The following GRM7 variants were observed in gnomAD, a reference collection of about 807,000 sequenced individuals.
GRM7 encodes the protein metabotropic glutamate receptor 7.
GRM7 carries 35 observed loss-of-function variants against 84.5 expected under a neutral mutation model. The observed-to-expected ratio is 0.41, with a 90% CI of 0.32 to 0.55. The LOEUF (loss-of-function observed/expected upper bound fraction) is 0.55. GRM7 is among the 20% of genes least tolerant of loss of function. The pLI is 0.19. For synonymous variants in GRM7, 487 were observed against 455.1 expected, an observed-to-expected ratio of 1.07 and a Z score of -0.89; for missense variants, 1,003 against 1,194.6, an observed-to-expected ratio of 0.84 and a Z score of 2.36.
At chr3:7,100,758 C>T (rs935800317) in intron 1 of GRM7, among the ~76,000 whole-genome samples, 2 of 151,714 alleles carry the variant, frequency 1.3e-5, no homozygotes, top group South Asian at 2.1e-4. Context: ...TTTCCATCTA[C>T]ACAAAAAACC....
chr3:7,596,979 G>A (rs916978351), intron 8 of GRM7, among the ~76,000 whole-genome samples: 7 of 152,156 alleles, frequency 4.6e-5, no homozygotes, highest in Admixed American at 6.5e-5. Context: ...TTACAGTGAT[G>A]TGCTCGTTGT....
intron 2 of GRM7, among the ~76,000 whole-genome samples, chr3:7,203,630 C>A (rs867114944): frequency 6.6e-6 from 1 of 152,014 alleles, no homozygotes; most frequent in Non-Finnish European, 1.5e-5. Flanking sequence ...ATTGCTGGAT[C>A]GTATGTTAGT....
intron 4 of GRM7, among the ~76,000 whole-genome samples, chr3:7,352,056 A>ACC (rs1160181382): frequency 2.1e-5 from 1 of 46,940 alleles, no homozygotes; most frequent in African/African-American, 1.0e-4. Flanking sequence ...ACACACACAC[A>ACC]CCACACACAC....
chr3:6,988,009 T>C (rs1461607291), intron 1 of GRM7, among the ~76,000 whole-genome samples: 2 of 149,560 alleles, frequency 1.3e-5, no homozygotes, highest in Non-Finnish European at 1.5e-5. Flanking sequence ...TTTTTTTTTT[T>C]TTTTTCAGAC....
intron 4 of GRM7, among the ~76,000 whole-genome samples, chr3:7,328,356 C>T (rs991342585): frequency 3.9e-5 from 6 of 152,084 alleles, no homozygotes; most frequent in Admixed American, 1.3e-4. Flanking sequence ...GATTTGTGTG[C>T]CCCCAAACCA....
rs397988598 is a variant in GRM7 at position 7,240,120 on chromosome 3, G to GTTTTTTTTTTT, written c.737-58550_737-58540dup. Among the ~76,000 whole-genome samples, 268 of 52,698 alleles carry GTTTTTTTTTTT rather than the reference G, an allele frequency of 5.1e-3. 41 individuals carry two copies. The highest frequency in any genetic ancestry group is 0.015 in the African/African-American group (212 of 14,250). The allele number at this position is 52,698 out of a possible 152,430, so 34.6% of individuals were successfully genotyped here. A position where few individuals can be genotyped will look rare whatever the true frequency, so the allele number is the denominator to read the frequency against. ...TACCAGTAATCTTTTAGCATGTGAG[G>GTTTTTTTTTTT]TTTTTTTTTTTTTTTTTTTTTTTTC... is the stretch of plus-strand genomic sequence containing the variant. On this transcript the variant is annotated intron_variant, in intron 2 of 9. Coordinates refer to ENST00000357716, the MANE Select transcript of GRM7 (RefSeq NM_000844.4).
At chr3:6,914,482 A>C (rs1490138726) in intron 1 of GRM7, among the ~76,000 whole-genome samples, 1 of 151,880 alleles carries the variant, frequency 6.6e-6, no homozygotes, top group Non-Finnish European at 1.5e-5. Context: ...GGCTCACTGC[A>C]ACCTCTGCCT....
intron 1 of GRM7, among the ~76,000 whole-genome samples, chr3:6,922,633 A>G (rs932943843): frequency 3.9e-5 from 6 of 152,218 alleles, no homozygotes; most frequent in African/African-American, 1.4e-4. Flanking sequence ...TAGAACCTAT[A>G]ACATACATAT....
At chr3:7,118,277 G>C (rs980704003) in intron 1 of GRM7, among the ~76,000 whole-genome samples, 1 of 151,758 alleles carries the variant, frequency 6.6e-6, no homozygotes, top group African/African-American at 2.4e-5. Context: ...TGTAGTCCCA[G>C]TTACTCCGGA....
At position 6,861,499 on chromosome 3, in the gene GRM7, G is replaced by A. The variant is rs751242328; in HGVS notation, c.111G>A (p.Met37Ile). Residue 37 changes from methionine (M) to isoleucine (I), a missense_variant, in exon 1 of 10, where the codon ATG becomes ATA. By Grantham distance (10) the Met-to-Ile change is conservative. Coordinates refer to ENST00000357716, the MANE Select transcript of GRM7 (RefSeq NM_000844.4). This position sits in a 1 kb window ranked among gnomAD's most constrained non-coding sequence, Gnocchi z 6.4. ...ALAAAARGQE[M>I]YAPHSIRIEG... Reference sequence around the variant, plus strand: ...CGGCGGCGGCGCGCGGCCAGGAGATGTACGCCCCGCACTCAATCCGGATCG... The same window carrying A: ...CGGCGGCGGCGCGCGGCCAGGAGATATACGCCCCGCACTCAATCCGGATCG... The A allele has an allele frequency of 3.8e-6, 6 of 1,579,486 alleles. No individual in the cohort carries two copies. The South Asian group carries it at 7.0e-5, about 18-fold the overall frequency.
At chr3:7,448,195 T>A (rs1697608043) in intron 5 of GRM7, among the ~76,000 whole-genome samples, 1 of 151,326 alleles carries the variant, frequency 6.6e-6, no homozygotes, top group Non-Finnish European at 1.5e-5. Context: ...TTGTGAATAA[T>A]GCCGCAATAA....
At chr3:7,533,173 C>A (rs1165493463) in intron 7 of GRM7, among the ~76,000 whole-genome samples, 1 of 152,126 alleles carries the variant, frequency 6.6e-6, no homozygotes, top group Non-Finnish European at 1.5e-5. Flanking sequence ...AACTCTCCAC[C>A]CCACATCAAA....
chr3:6,923,621 T>TC (rs1335708966), intron 1 of GRM7, among the ~76,000 whole-genome samples: 1 of 152,154 alleles, frequency 6.6e-6, no homozygotes, highest in African/African-American at 2.4e-5. Flanking sequence ...AGGGTTTTTT[T>TC]CCCCCTGCAC....
chr3:7,246,195 T>C (rs1697752358), intron 2 of GRM7, among the ~76,000 whole-genome samples: 1 of 152,100 alleles, frequency 6.6e-6, no homozygotes, highest in African/African-American at 2.4e-5. Flanking sequence ...GTTTTTACAA[T>C]CCTTTTCTAA....
intron 4 of GRM7, among the ~76,000 whole-genome samples, chr3:7,338,773 ACAAG>A (rs1359619201): frequency 1.3e-5 from 2 of 152,064 alleles, no homozygotes; most frequent in African/African-American, 4.8e-5. Context: ...TGTCTCCTAA[ACAAG>A]CGTATAAATT....
At position 7,446,610 on chromosome 3, in the gene GRM7, C is replaced by T. The variant is rs546258953; in HGVS notation, c.1175-5997C>T. ...TCGAGTAGCTGGGATTTCAGGCACA[C>T]GCCACAGCCCGGCTAATTTTTGTGT... is the stretch of plus-strand genomic sequence containing the variant. On this transcript the variant is annotated intron_variant, in intron 5 of 9. Transcript: ENST00000357716. Among the ~76,000 whole-genome samples, 133 of 151,938 alleles carry T rather than the reference C, an allele frequency of 8.8e-4. 2 individuals carry two copies. The highest frequency in any genetic ancestry group is 8.3e-3 in the Admixed American group (126 of 15,258).
At chr3:6,954,580 T>C (rs1692945217) in intron 1 of GRM7, among the ~76,000 whole-genome samples, 1 of 152,158 alleles carries the variant, frequency 6.6e-6, no homozygotes, top group Non-Finnish European at 1.5e-5. Flanking sequence ...TGGTTCTGAA[T>C]TCTGAAATCA....
intron 1 of GRM7, among the ~76,000 whole-genome samples, chr3:7,007,397 C>A (rs1157622867): frequency 6.6e-6 from 1 of 152,168 alleles, no homozygotes; most frequent in Non-Finnish European, 1.5e-5. Context: ...TATAACTCTC[C>A]TGTAGCAGAT....
chr3:7,666,296 C>G (rs2125128269), intron 8 of GRM7, among the ~76,000 whole-genome samples: 1 of 152,232 alleles, frequency 6.6e-6, no homozygotes, highest in African/African-American at 2.4e-5. Flanking sequence ...TACACTAAGT[C>G]CTTTCACTGG....
Sources: allele counts gnomAD v4.1 joint callset (sites outside exome capture counted in the v4.1 genomes callset), GRCh38; gene constraint gnomAD v4.1.1; non-coding constraint Gnocchi (gnomAD v3.1); transcripts MANE v1.5; gene names NCBI Gene and HGNC (gene_info 2026-07-23, HGNC 2026-07-21).